Variants in IL1R2 observed in about 807,000 individuals in gnomAD.
IL1R2 encodes the protein interleukin-1 receptor type 2.
IL1R2 carries 46 observed loss-of-function variants against 39.5 expected under a neutral mutation model. The ratio of observed to expected loss-of-function variants is 1.16; its 90% confidence interval spans 0.92 to 1.49. IL1R2 has a LOEUF of 1.49. Among genes scored for constraint, IL1R2 ranks in the 40% most tolerant of loss-of-function variants. The probability of loss-of-function intolerance (pLI) is 0.00; values close to 1 mark genes in which losing one functional copy is unlikely to be tolerated. For missense variants in IL1R2, 537 were observed against 502.0 expected (o/e 1.07, Z -0.67); for synonymous variants, 207 against 189.6 (o/e 1.09, Z -0.75).
chr2:101,998,389 TCTC>T (rs1675690525), intron 1 of IL1R2, among the ~76,000 whole-genome samples: 2 of 152,336 alleles, frequency 1.3e-5, no homozygotes, highest in Admixed American at 1.3e-4. Flanking sequence ...TGTGTTTTCT[TCTC>T]CTAGCCTTCT....
chr2:102,001,460 G>C (rs1300398776), intron 1 of IL1R2, among the ~76,000 whole-genome samples: 1 of 152,184 alleles, frequency 6.6e-6, no homozygotes, highest in African/African-American at 2.4e-5. Context: ...ACCAGGGATG[G>C]GAGGCTAGTG....
At chr2:102,021,467 CA>C (rs1189357058) in intron 5 of IL1R2, among the ~76,000 whole-genome samples, 1 of 152,104 alleles carries the variant, frequency 6.6e-6, no homozygotes, top group Non-Finnish European at 1.5e-5. Context: ...AGGCTTACGC[CA>C]CCAAGCCCAG....
chr2:101,997,522 C>T (rs1448783390), intron 1 of IL1R2, among the ~76,000 whole-genome samples: 1 of 152,154 alleles, frequency 6.6e-6, no homozygotes, highest in Non-Finnish European at 1.5e-5. Flanking sequence ...GGCAGTCTTC[C>T]CCCACTTGGC....
chr2:102,009,829 A>C lies in IL1R2; in HGVS notation c.332+3A>C. 6.2e-7 allele frequency: 1 copy of C among 1,613,718 alleles called. No homozygotes were observed. The highest frequency in any genetic ancestry group is 8.5e-7 in the Non-Finnish European group (1 of 1,179,728). ...GGCACCTACGTCTGCACTACTAGGT[A>C]AGTCTCCCTGTGCGGGGCTGGGGAG... On this transcript the variant is annotated splice_donor_region_variant and intron_variant, in intron 3 of 8. Transcript: ENST00000332549.
intron 3 of IL1R2, among the ~76,000 whole-genome samples, chr2:102,011,445 GT>G (rs1354259182): frequency 1.3e-5 from 2 of 152,180 alleles, no homozygotes; most frequent in African/African-American, 4.8e-5. Context: ...GTGTGAAGGG[GT>G]CTCTCATTGT....
chr2:102,000,283 G>T (rs33987946), intron 1 of IL1R2, among the ~76,000 whole-genome samples: 32,676 of 152,144 alleles, frequency 0.21, 4,551 homozygotes, highest in African/African-American at 0.39. Context: ...GCACACCAGG[G>T]TATGCCCATT....
At position 102,009,823 on chromosome 2, in the gene IL1R2, CTAG is replaced by C; in HGVS notation, c.330_332del (p.Arg111del). ...GACTCTGGCACCTACGTCTGCACTA[CTAG>C]GTAAGTCTCCCTGTGCGGGGCTGGG... On this transcript the variant is annotated inframe_deletion and splice_region_variant, in exon 3 of 9. Transcript: ENST00000332549. The C allele has an allele frequency of 6.2e-7, 1 of 1,613,906 alleles. No homozygotes were observed. Among genetic ancestry groups the C allele is most frequent in the Non-Finnish European group, 8.5e-7 (1 of 1,179,798 alleles).
intron 1 of IL1R2, among the ~76,000 whole-genome samples, chr2:101,998,817 T>A (rs2071008): frequency 1.3e-5 from 2 of 152,018 alleles, no homozygotes; most frequent in African/African-American, 2.4e-5. Flanking sequence ...CAAGCACCCC[T>A]TGGAAACCAG....
At chr2:102,027,662 A>G (rs949215096) in intron 8 of IL1R2, among the ~76,000 whole-genome samples, 1 of 152,176 alleles carries the variant, frequency 6.6e-6, no homozygotes, top group African/African-American at 2.4e-5. Context: ...CTCATCAACA[A>G]TGTGTCTGAT....
chr2:102,008,978 G>A (rs1676448158), intron 2 of IL1R2, among the ~76,000 whole-genome samples: 1 of 151,464 alleles, frequency 6.6e-6, no homozygotes, highest in Non-Finnish European at 1.5e-5. Flanking sequence ...GCAGTGAGTG[G>A]AGATTGCATC....
chr2:102,026,178 G>C lies in IL1R2; in HGVS notation c.955G>C (p.Asp319His), dbSNP rs1320233870. The C allele has an allele frequency of 1.2e-6, 2 of 1,612,244 alleles. No individual in the cohort carries two copies. The highest frequency in any genetic ancestry group is 1.7e-6 in the Non-Finnish European group (2 of 1,178,348). ...GATTTTTGATCCTGTCACAAGAGAGGATTTGCACATGGATTTTAAATGTGT... is the reference window on the plus strand; with the variant it reads ...GATTTTTGATCCTGTCACAAGAGAGCATTTGCACATGGATTTTAAATGTGT... ...PLIFDPVTRE[D>H]LHMDFKCVVH... The change falls in exon 8 of 9, where the codon GAT (aspartate) becomes CAT (histidine). Residue 319 changes from aspartate (D) to histidine (H), a missense_variant. Physicochemically the swap from Asp to His is moderately conservative, Grantham distance 81. Transcript: ENST00000332549.
At chr2:102,018,446 G>A (rs188631398) in intron 4 of IL1R2, among the ~76,000 whole-genome samples, 1 of 152,232 alleles carries the variant, frequency 6.6e-6, no homozygotes, top group East Asian at 1.9e-4. Context: ...TCACCACCTG[G>A]GATTGTTTCA....
At chr2:102,024,760 A>T (rs1476734570) in intron 7 of IL1R2, 92 bp downstream of exon 7, 13 of 1,450,288 alleles carry the variant, frequency 9.0e-6, no homozygotes, top group Non-Finnish European at 1.2e-5. Context: ...ACCACATTAA[A>T]AGTTACTTTT....
chr2:102,023,827 C>T (rs1407782100), intron 6 of IL1R2, among the ~76,000 whole-genome samples: 1 of 151,512 alleles, frequency 6.6e-6, no homozygotes, highest in African/African-American at 2.4e-5. Flanking sequence ...GCAGGTGGAT[C>T]ACGAGGTTAG....
intron 1 of IL1R2, among the ~76,000 whole-genome samples, chr2:102,000,052 T>C (rs569599186): frequency 3.3e-5 from 5 of 152,284 alleles, no homozygotes; most frequent in Admixed American, 2.0e-4. Context: ...GGCTGGGCTG[T>C]GGAATGGTCG....
intron 7 of IL1R2, 87 bp from the exon 8 acceptor site, chr2:102,026,024 T>G: frequency 9.4e-7 from 1 of 1,067,918 alleles, no homozygotes; most frequent in Non-Finnish European, 1.4e-6. Flanking sequence ...TGGGTACTTC[T>G]AAAGGAGAGT....
rs538800251 is a variant in IL1R2 at position 102,004,318 on chromosome 2, G to A, written c.-61-4197G>A. Among the ~76,000 whole-genome samples the A allele has an allele frequency of 1.6e-4, 24 of 145,906 alleles. No homozygotes were observed. In the South Asian group the frequency reaches 2.5e-3, roughly 15 times the overall value. On this transcript the variant is annotated intron_variant, in intron 1 of 8. Coordinates refer to ENST00000332549, the MANE Select transcript of IL1R2 (RefSeq NM_004633.4). ...GTAACGGTTACCTGGGCCTCAGTGC[G>A]TGCTCTACCACCTGTCCAACTCAGG...
rs3218946 is a variant in IL1R2 at position 102,019,999 on chromosome 2, G to C, written c.688+187G>C. On this transcript the variant is annotated intron_variant, in intron 5 of 8. Transcript: ENST00000332549. ...GTGATACTTTGAAAGGTATAAATCA[G>C]GGTGTTGTTCTGAGAACAGGTGAAC... is the stretch of plus-strand genomic sequence containing the variant. Among the ~76,000 whole-genome samples, 930 of 152,320 alleles carry C rather than the reference G, an allele frequency of 6.1e-3. 10 individuals are homozygous for C. Among genetic ancestry groups the C allele is most frequent in the African/African-American group, 0.021 (886 of 41,566 alleles).
chr2:102,016,183 C>A lies in IL1R2; in HGVS notation c.513+132C>A, dbSNP rs1229050732. On this transcript the variant is annotated intron_variant, in intron 4 of 8. Transcript: ENST00000332549. ...CACGCACAAACACACACATGGTTTG[C>A]CTTTCATATCTGTGAGTTCCACATC... The A allele has an allele frequency of 6.0e-6, 4 of 662,256 alleles. No individual in the cohort carries two copies. In the East Asian group the frequency reaches 8.5e-5, roughly 14 times the overall value. The allele number at this position is 662,256 out of a possible 1,614,324, so 41.0% of individuals were successfully genotyped here. A position where few individuals can be genotyped will look rare whatever the true frequency, so the allele number is the denominator to read the frequency against.
Sources: gnomAD v4.1 joint callset for allele counts (sites outside exome capture counted in the v4.1 genomes callset) on GRCh38, gnomAD v4.1.1 for gene constraint, MANE v1.5 for transcripts, NCBI Gene and HGNC (gene_info 2026-07-23, HGNC 2026-07-21) for gene names.